The following GSE1 variants were observed in gnomAD, a reference collection of about 807,000 sequenced individuals.
The protein encoded by GSE1 is genetic suppressor element 1.
Under a neutral mutation model 112.6 loss-of-function variants are expected in GSE1, and 32 were observed. The observed-to-expected ratio is 0.28, with a 90% confidence interval of 0.21 to 0.38. The LOEUF is 0.38. Among genes scored for constraint, GSE1 ranks in the 10% least tolerant of loss-of-function variants. The pLI is 1.00. For synonymous variants in GSE1, 1,115 were observed against 735.6 expected (o/e 1.52, Z -8.35); for missense variants, 2,348 against 1,699.2 (o/e 1.38, Z -6.71).
intron 11 of GSE1, among the ~76,000 whole-genome samples, chr16:85,663,885 G>A (rs769861386): frequency 2.0e-5 from 3 of 152,392 alleles, no homozygotes; most frequent in Middle Eastern, 3.4e-3. Context: ...CCGAGAAGGC[G>A]CTCTTTGAGC....
At chr16:85,367,751 A>C (rs1314171279) in intron 2 of GSE1, among the ~76,000 whole-genome samples, 2 of 152,172 alleles carry the variant, frequency 1.3e-5, no homozygotes, top group Non-Finnish European at 2.9e-5. Context: ...ATAGGTGCTC[A>C]GTAAACTTTT....
chr16:85,648,447 G>T, intron 2 of GSE1, 105 bp from the exon 3 acceptor site: 1 of 625,048 alleles, frequency 1.6e-6, no homozygotes, highest in South Asian at 2.0e-5. Flanking sequence ...GGAGGTCTGG[G>T]GCCTCACTTG....
Position 85,239,673 on chromosome 16 carries a change from T to A in GSE1, c.2283+67866T>A, listed in dbSNP as rs762225329. The stretch of plus-strand genomic sequence containing the variant: ...GGGCCCCACGGCTCCCAGCTCCTAG[T>A]GAGGGCTCTTCCGGGTAACTCCATA... On this transcript the variant is annotated intron_variant, in intron 1 of 2. Coordinates refer to the GSE1 transcript ENST00000637419. 2.0e-5 allele frequency among the ~76,000 whole-genome samples: 3 copies of A among 152,176 alleles called. No homozygotes were observed. The East Asian group carries it at 5.8e-4, about 29-fold the overall frequency.
At chr16:85,397,372 G>A (rs918962544) in intron 2 of GSE1, among the ~76,000 whole-genome samples, 1 of 152,228 alleles carries the variant, frequency 6.6e-6, no homozygotes, top group Non-Finnish European at 1.5e-5. Flanking sequence ...TGATGCAGGT[G>A]CTGAGCCGTC....
At chr16:85,432,015 G>A (rs1473449893) in intron 2 of GSE1, among the ~76,000 whole-genome samples, 1 of 152,224 alleles carries the variant, frequency 6.6e-6, no homozygotes, top group Non-Finnish European at 1.5e-5. Context: ...CTGGGCGAGT[G>A]CTGGGACGCA....
At chr16:85,537,481 G>A (rs556139777) in intron 2 of GSE1, among the ~76,000 whole-genome samples, 2 of 152,308 alleles carry the variant, frequency 1.3e-5, no homozygotes, top group African/African-American at 2.4e-5. Flanking sequence ...GGTCAACGGG[G>A]CTGCCCAGGC....
chr16:85,564,735 G>A (rs1314328987), intron 1 of GSE1, among the ~76,000 whole-genome samples: 1 of 152,184 alleles, frequency 6.6e-6, no homozygotes, highest in Non-Finnish European at 1.5e-5. Context: ...AGAAGCCAAG[G>A]AACAGTAGGA....
chr16:85,275,164 A>T (rs1370855570), intron 1 of GSE1, among the ~76,000 whole-genome samples: 1 of 152,082 alleles, frequency 6.6e-6, no homozygotes, highest in Non-Finnish European at 1.5e-5. Context: ...GACAAGGGAA[A>T]AGTCTCCCTG....
intron 2 of GSE1, among the ~76,000 whole-genome samples, chr16:85,646,365 C>G (rs1162407588): frequency 1.3e-5 from 2 of 152,246 alleles, no homozygotes; most frequent in African/African-American, 2.4e-5. Context: ...GCATCTGTCC[C>G]CGTGGGCCCA....
chr16:85,614,300 A>G (rs989704851), intron 1 of GSE1, among the ~76,000 whole-genome samples: 3 of 151,876 alleles, frequency 2.0e-5, no homozygotes, highest in African/African-American at 2.4e-5. Context: ...ATTATATTGC[A>G]GCACCAGAGA....
chr16:85,286,268 G>GT (rs1256408161), intron 1 of GSE1, among the ~76,000 whole-genome samples: 2 of 152,228 alleles, frequency 1.3e-5, no homozygotes, highest in Non-Finnish European at 2.9e-5. Flanking sequence ...CGGCCCACGG[G>GT]CTGGCAGAGG....
intron 1 of GSE1, among the ~76,000 whole-genome samples, chr16:85,265,085 T>TA (rs1336753746): frequency 1.3e-5 from 2 of 152,208 alleles, no homozygotes; most frequent in Non-Finnish European, 2.9e-5. Context: ...CGCGCACTCT[T>TA]ATCACTGCAA....
At chr16:85,527,899 C>T (rs967086496) in intron 2 of GSE1, among the ~76,000 whole-genome samples, 5 of 152,290 alleles carry the variant, frequency 3.3e-5, no homozygotes, top group Admixed American at 2.6e-4. Context: ...TTTTAAAGGA[C>T]GCATAGGAGT....
At chr16:85,494,202 C>T (rs765828755) in intron 2 of GSE1, among the ~76,000 whole-genome samples, 9 of 152,254 alleles carry the variant, frequency 5.9e-5, no homozygotes, top group Non-Finnish European at 1.2e-4. Context: ...GTCAAGGCAT[C>T]AGCAGGGCCG....
At chr16:85,572,304 C>G (rs944107893) in intron 1 of GSE1, among the ~76,000 whole-genome samples, 2 of 144,092 alleles carry the variant, frequency 1.4e-5, no homozygotes, top group Non-Finnish European at 3.0e-5. Context: ...ACAACACACA[C>G]CACATACCAC....
At chr16:85,313,086 A>C (rs1475851659) in intron 1 of GSE1, among the ~76,000 whole-genome samples, 5 of 152,182 alleles carry the variant, frequency 3.3e-5, no homozygotes, top group Non-Finnish European at 5.9e-5. Flanking sequence ...GTGCACACTC[A>C]GCCCTGGCCA....
At chr16:85,375,874 C>T (rs968701132) in intron 2 of GSE1, among the ~76,000 whole-genome samples, 1 of 152,254 alleles carries the variant, frequency 6.6e-6, no homozygotes, top group Non-Finnish European at 1.5e-5. Flanking sequence ...TGCATGCCAG[C>T]TCTCGTGCGC....
intron 1 of GSE1, among the ~76,000 whole-genome samples, chr16:85,259,883 C>T (rs1200357464): frequency 2.0e-5 from 3 of 152,206 alleles, no homozygotes; most frequent in Admixed American, 2.0e-4. Flanking sequence ...GGGCTGAGGA[C>T]ATCTGTTGAC....
At chr16:85,218,511 G>A (rs891095710) in intron 1 of GSE1, among the ~76,000 whole-genome samples, 133 of 152,382 alleles carry the variant, frequency 8.7e-4, no homozygotes, top group African/African-American at 3.0e-3. Context: ...CGTGCCGCTC[G>A]TAGTGGTAAA....
Sources: allele counts gnomAD v4.1 joint callset (sites outside exome capture counted in the v4.1 genomes callset), GRCh38; gene constraint gnomAD v4.1.1; transcripts MANE v1.5; gene names NCBI Gene and HGNC (gene_info 2026-07-23, HGNC 2026-07-21).